CHTOP: variants seen among roughly 807,000 people sequenced by gnomAD.
The protein encoded by CHTOP is chromatin target of PRMT1 protein.
In CHTOP, 18 loss-of-function variants were observed where a neutral mutation model predicts 33.6. That is an observed-to-expected ratio of 0.54 (90% CI 0.37 to 0.80). The LOEUF is 0.80. Among genes scored for constraint, CHTOP ranks in the 30% least tolerant of loss-of-function variants. The probability of loss-of-function intolerance (pLI) is 0.00; values close to 1 mark genes in which losing one functional copy is unlikely to be tolerated. For synonymous variants in CHTOP, 117 were observed against 127.7 expected, an observed-to-expected ratio of 0.92 and a Z score of 0.56; for missense variants, 263 against 336.8, an observed-to-expected ratio of 0.78 and a Z score of 1.71.
intron 5 of CHTOP, among the ~76,000 whole-genome samples, chr1:153,644,641 C>T (rs1668741501): frequency 6.6e-6 from 1 of 152,186 alleles, no homozygotes; most frequent in Admixed American, 6.5e-5. Context: ...TGAAAACTGT[C>T]TTGTCTTCAC....
Position 153,638,336 on chromosome 1 carries a change from A to C in CHTOP, c.107A>C (p.Asn36Thr). Residue 36 changes from asparagine to threonine, a missense_variant, in exon 3 of 6, where the codon AAT becomes ACT. Transcript: ENST00000368694. ...MLKNKQPTPV[N>T]IRASMQQQQQ... ...AAGAACAAACAGCCGACGCCAGTGA[A>C]TATTCGGGCTTCGATGCAGCAACAA... The C allele has an allele frequency of 6.2e-7, 1 of 1,614,250 alleles. No homozygotes were observed. The highest frequency in any genetic ancestry group is 1.1e-5 in the South Asian group (1 of 91,086).
chr1:153,643,646 A>C, intron 5 of CHTOP: 1 of 258,236 alleles, frequency 3.9e-6, no homozygotes. Context: ...ACCCCCCAAA[A>C]TGGTCAGTTT....
chr1:153,636,527 A>T, intron 1 of CHTOP, 45 bp from the exon 2 acceptor site: 1 of 1,501,498 alleles, frequency 6.7e-7, no homozygotes, highest in African/African-American at 1.4e-5. Flanking sequence ...TATAGAAATG[A>T]TGTCACTATT....
chr1:153,638,267 T>A, intron 2 of CHTOP, 28 bp from the exon 3 acceptor site: 1 of 1,607,654 alleles, frequency 6.2e-7, no homozygotes. Context: ...AGCTTTTATT[T>A]AAACATCCAT....
At position 153,645,099 on chromosome 1, in the gene CHTOP, G is replaced by GGAGGCC. The variant is rs576056136; in HGVS notation, c.591_596dup (p.Arg203_Gly204dup). ...GATAGGTCGGGGAAGAGGGGGCTTT[G>GGAGGCC]GAGGCCGAGGCCGAGGCCGTGGACG... On this transcript the variant is annotated inframe_insertion, in exon 6 of 6. Coordinates refer to ENST00000368694, the MANE Select transcript of CHTOP (RefSeq NM_015607.4). 258 of 1,613,268 alleles carry GGAGGCC rather than the reference G, an allele frequency of 1.6e-4. 1 individual carries two copies. The highest frequency in any genetic ancestry group is 1.9e-4 in the Non-Finnish European group (222 of 1,179,938).
At chr1:153,638,059 C>T in intron 2 of CHTOP, 1 of 507,548 alleles carries the variant, frequency 2.0e-6, no homozygotes, top group Non-Finnish European at 3.6e-6. Context: ...GTTACCTGAG[C>T]CCTCGTTATC....
intron 4 of CHTOP, 173 bp downstream of exon 4, chr1:153,642,602 T>C (rs1232592391): frequency 2.0e-6 from 1 of 498,520 alleles, no homozygotes; most frequent in East Asian, 3.3e-5. Context: ...TACCATTCCT[T>C]TTCTGATAAT....
In CHTOP at chr1:153,636,397, G is replaced by A. The variant is rs552135273; in HGVS notation, c.-17-175G>A. Among the ~76,000 whole-genome samples the A allele has an allele frequency of 5.9e-5, 8 of 135,148 alleles. No individual in the cohort carries two copies. In the South Asian group the frequency reaches 1.5e-3, roughly 26 times the overall value. 88.7% of individuals were successfully genotyped at this position (135,148 alleles called of 152,430 possible). A position where few individuals can be genotyped will look rare whatever the true frequency, so the allele number is the denominator to read the frequency against. On this transcript the variant is annotated intron_variant, in intron 1 of 5. Coordinates refer to ENST00000368694, the MANE Select transcript of CHTOP (RefSeq NM_015607.4). ...TGCATTCCAGCCTGAGTGACAGAGCGAGACCCTGTCTCAAAAAAAAAAAAA... is the reference window on the plus strand; with the variant it reads ...TGCATTCCAGCCTGAGTGACAGAGCAAGACCCTGTCTCAAAAAAAAAAAAA...
At chr1:153,641,079 G>T (rs1176907736) in intron 3 of CHTOP, among the ~76,000 whole-genome samples, 1 of 152,214 alleles carries the variant, frequency 6.6e-6, no homozygotes, top group African/African-American at 2.4e-5. Context: ...GTTACGGTTG[G>T]TTACACCTAC....
In CHTOP at chr1:153,645,934, G is replaced by C. The variant is rs919885962; in HGVS notation, c.*665G>C. 4 of 152,340 alleles carry C rather than the reference G, an allele frequency of 2.6e-5. No individual in the cohort carries two copies. The highest frequency in any genetic ancestry group is 9.7e-5 in the African/African-American group (4 of 41,422). The allele number at this position is 152,340 out of a possible 1,614,324, so 9.4% of individuals were successfully genotyped here. On this transcript the variant is annotated 3_prime_UTR_variant, in exon 6 of 6. Coordinates refer to ENST00000368694, the MANE Select transcript of CHTOP (RefSeq NM_015607.4). ...CACATATACCATAACCAGCGTGTTG[G>C]GTTGAATTGCACTTTCTACCTTTGT...
intron 1 of CHTOP, among the ~76,000 whole-genome samples, chr1:153,636,295 G>T (rs1024899941): frequency 6.6e-6 from 1 of 151,116 alleles, no homozygotes; most frequent in Non-Finnish European, 1.5e-5. Context: ...TGGGCGTTGG[G>T]TCCCAGTGAT....
At chr1:153,639,258 G>T (rs1668527540) in intron 3 of CHTOP, 1 of 165,832 alleles carries the variant, frequency 6.0e-6, no homozygotes, top group Non-Finnish European at 1.2e-5. Context: ...TACCAGTAAA[G>T]TGGAGCAAGA....
chr1:153,640,739 T>C (rs11580122), intron 3 of CHTOP, among the ~76,000 whole-genome samples: 94,909 of 152,064 alleles, frequency 0.62, 30,501 homozygotes, highest in African/African-American at 0.75. Flanking sequence ...TCACTGCACT[T>C]CAGCCTGGGC....
chr1:153,636,010 C>T (rs909885658), intron 1 of CHTOP, among the ~76,000 whole-genome samples: 18 of 151,940 alleles, frequency 1.2e-4, no homozygotes, highest in Non-Finnish European at 1.8e-4. Context: ...AGCCTCCAAC[C>T]CCTGGGCTCT....
chr1:153,645,348 A>C lies in CHTOP; in HGVS notation c.*79A>C. 7.3e-7 allele frequency: 1 copy of C among 1,376,098 alleles called. No homozygotes were observed. Among genetic ancestry groups the C allele is most frequent in the Non-Finnish European group, 1.0e-6 (1 of 990,506 alleles). 85.2% of individuals were successfully genotyped at this position (1,376,098 alleles called of 1,614,324 possible). On this transcript the variant is annotated 3_prime_UTR_variant, in exon 6 of 6. Transcript: ENST00000368694. ...ACCTTGAGATAACAGATGAGAAGAA[A>C]TCTGATTGATGCTGGATGGACCTAT...
rs1668822964 is a variant in CHTOP, at chr1:153,646,249, A to G, written c.*980A>G. ...TTCAACCATATTCTGTCAACTGTTC[A>G]GTTTCAGTGGAATCTTGTATTTCTG... On this transcript the variant is annotated 3_prime_UTR_variant, in exon 6 of 6. Coordinates refer to ENST00000368694, the MANE Select transcript of CHTOP (RefSeq NM_015607.4). 1 of 152,174 alleles carries G rather than the reference A, an allele frequency of 6.6e-6. No homozygotes were observed. Among genetic ancestry groups the G allele is most frequent in the Admixed American group, 6.5e-5 (1 of 15,278 alleles). 9.4% of individuals were successfully genotyped at this position (152,174 alleles called of 1,614,324 possible). A position where few individuals can be genotyped will look rare whatever the true frequency, so the allele number is the denominator to read the frequency against.
chr1:153,640,242 A>C (rs1368269127), intron 3 of CHTOP, among the ~76,000 whole-genome samples: 3 of 151,692 alleles, frequency 2.0e-5, no homozygotes, highest in Admixed American at 6.6e-5. Context: ...TGGGAGGCCA[A>C]GGCAGGCGGA....
chr1:153,643,096 G>T lies in CHTOP; in HGVS notation c.404-131G>T, dbSNP rs970479151. 2.0e-6 allele frequency: 2 copies of T among 986,248 alleles called. 1 individual carries two copies. The highest frequency in any genetic ancestry group is 3.2e-5 in the African/African-American group (2 of 63,050). 61.1% of individuals were successfully genotyped at this position (986,248 alleles called of 1,614,324 possible). ...GAGTAGCTTAATCTGTTCACAGTAT[G>T]CAGCTTGCCCCAGCCAACCTAAAAA... On this transcript the variant is annotated intron_variant, in intron 4 of 5. Coordinates refer to ENST00000368694, the MANE Select transcript of CHTOP (RefSeq NM_015607.4).
intron 1 of CHTOP, among the ~76,000 whole-genome samples, chr1:153,636,225 C>T (rs997531080): frequency 2.0e-5 from 3 of 152,024 alleles, no homozygotes; most frequent in African/African-American, 7.2e-5. Flanking sequence ...CCACCATACC[C>T]AGCCACCTTG....
Sources: allele counts gnomAD v4.1 joint callset (sites outside exome capture counted in the v4.1 genomes callset), GRCh38; gene constraint gnomAD v4.1.1; transcripts MANE v1.5; gene names NCBI Gene and HGNC (gene_info 2026-07-23, HGNC 2026-07-21).